The following BEND7 variants were observed in gnomAD, a reference collection of about 807,000 sequenced individuals.
The protein encoded by BEND7 is BEN domain containing 7, also known as BEN domain-containing protein 7.
BEND7 carries 28 observed loss-of-function variants against 50.9 expected under a neutral mutation model. That is an observed-to-expected ratio of 0.55 (90% CI 0.41 to 0.75). The LOEUF (loss-of-function observed/expected upper bound fraction) is 0.75. BEND7 is among the 30% of genes least tolerant of loss of function. The pLI, the probability that BEND7 is intolerant of heterozygous loss-of-function variation, is 0.00. For synonymous variants in BEND7, 170 were observed against 183.9 expected, an observed-to-expected ratio of 0.92 and a Z score of 0.61; for missense variants, 477 against 491.3, an observed-to-expected ratio of 0.97 and a Z score of 0.28.
chr10:13,502,974 G>A (rs2077590477), intron 2 of BEND7: 1 of 970,606 alleles, frequency 1.0e-6, no homozygotes, highest in South Asian at 4.8e-5. Context: ...ATAATGCTAG[G>A]ATAGATACAG....
rs753339452 is a variant in BEND7 at position 13,500,072 on chromosome 10, T to G, written c.154A>C (p.Ser52Arg). The G allele has an allele frequency of 2.5e-6, 4 of 1,591,418 alleles. No homozygotes were observed. Among genetic ancestry groups the G allele is most frequent in the Non-Finnish European group, 3.4e-6 (4 of 1,163,560 alleles). The change falls in exon 3 of 9, where the codon AGC becomes CGC. Residue 52 changes from serine to arginine, a missense_variant. By Grantham distance (110) the Ser-to-Arg change is moderately radical (BLOSUM62 -1). Transcript: ENST00000466271. ...ETQPIFLGDE[S>R]MEIKKQITGM... Reference sequence around the variant, plus strand: ...GTAATTTGCTTTTTTATTTCCATGCTTTCATCTCCTAATGGAAACAGGGCC... The same window carrying G: ...GTAATTTGCTTTTTTATTTCCATGCGTTCATCTCCTAATGGAAACAGGGCC...
intron 1 of BEND7, 49 bp downstream of exon 1, chr10:13,528,424 G>C (rs1589098705): frequency 1.1e-6 from 1 of 948,408 alleles, no homozygotes; most frequent in Non-Finnish European, 1.3e-6. Context: ...GCGGGCGGCC[G>C]AGGGCGCGGC....
chr10:13,517,437 T>G (rs2078770144), intron 2 of BEND7, among the ~76,000 whole-genome samples: 1 of 152,094 alleles, frequency 6.6e-6, no homozygotes, highest in African/African-American at 2.4e-5. Context: ...GGGTCTCAGC[T>G]GTCATGCTAG....
rs377375734 is a variant in BEND7 at position 13,447,310 on chromosome 10, G to A, written c.1190C>T (p.Ala397Val). 9.3e-6 allele frequency: 15 copies of A among 1,613,898 alleles called. No homozygotes were observed. Among genetic ancestry groups the A allele is most frequent in the Admixed American group, 3.3e-5 (2 of 59,980 alleles). The change falls in exon 8 of 9, where the codon GCG becomes GTG. Residue 397 changes from alanine (A) to valine (V), a missense_variant. By Grantham distance (64) the Ala-to-Val change is moderately conservative (BLOSUM62 0). Around this residue, in one of 3 missense-constraint regions of BEND7, gnomAD observed 64 missense variants for 68.5 expected, o/e 0.93. Coordinates refer to ENST00000466271, the MANE Select transcript of BEND7 (RefSeq NM_001369863.1). ...GCCGTCCAGTCTTTCATCACTGTCCGCGATCTCTGCTGGTTACAAACATAA... is the reference window on the plus strand; with the variant it reads ...GCCGTCCAGTCTTTCATCACTGTCCACGATCTCTGCTGGTTACAAACATAA... ...RRRLKRGSEI[A>V]DSDERLDGIA...
intron 6 of BEND7, among the ~76,000 whole-genome samples, chr10:13,473,118 C>A (rs191579267): frequency 6.6e-6 from 1 of 151,954 alleles, no homozygotes; most frequent in African/African-American, 2.4e-5. Flanking sequence ...GGGTCAATAA[C>A]CATCATCACT....
chr10:13,501,257 C>T (rs1032659996), intron 2 of BEND7, among the ~76,000 whole-genome samples: 1 of 151,486 alleles, frequency 6.6e-6, no homozygotes, highest in African/African-American at 2.4e-5. Context: ...GCCTGTAATC[C>T]CAGCTACTCA....
chr10:13,492,750 T>G lies in BEND7; in HGVS notation c.698A>C (p.Gln233Pro), dbSNP rs2076755425. Residue 233 changes from glutamine to proline, a missense_variant, in exon 5 of 9, where the codon CAG (glutamine) becomes CCG (proline). Around this residue, in one of 3 missense-constraint regions of BEND7, gnomAD observed 396 missense variants for 384.2 expected, o/e 1.03. Coordinates refer to ENST00000466271, the MANE Select transcript of BEND7 (RefSeq NM_001369863.1). ...CTCCATCTCTGACCCACTGGGCTTC[T>G]GTTTCACAGTAAGAGGTTCCACAGT... ...PKTVEPLTVK[Q>P]KPSGSEMEKK... 7 of 1,614,022 alleles carry G rather than the reference T, an allele frequency of 4.3e-6. No homozygotes were observed. The highest frequency in any genetic ancestry group is 5.9e-6 in the Non-Finnish European group (7 of 1,180,002).
intron 6 of BEND7, among the ~76,000 whole-genome samples, chr10:13,479,654 T>C (rs1432329482): frequency 1.3e-5 from 2 of 152,258 alleles, no homozygotes; most frequent in Non-Finnish European, 1.5e-5. Context: ...TCTGTCATGT[T>C]GTTTGTAGTG....
intron 1 of BEND7, 72 bp downstream of exon 1, chr10:13,528,389 GGCGCGCCCCCCA>G: frequency 1.6e-6 from 1 of 625,312 alleles, no homozygotes; most frequent in East Asian, 1.4e-4. Context: ...GCTCCGGGAG[GGCGCGCCCCCCA>G]GCGTGGACCC....
Position 13,492,836 on chromosome 10 carries a change from T to C in BEND7, c.612A>G (p.Ile204Met). The change falls in exon 5 of 9, where the codon ATA (isoleucine) becomes ATG (methionine). Residue 204 changes from isoleucine to methionine, a missense_variant. Physicochemically the swap from Ile to Met is conservative, Grantham distance 10. Coordinates refer to ENST00000466271, the MANE Select transcript of BEND7 (RefSeq NM_001369863.1). ...GTGAGACAGCAGTTCGCTGGGAGCA[T>C]ATAAGGGAAATTGGAGGTTGTTGTC... is the stretch of plus-strand genomic sequence containing the variant. ...QNRQQPPISL[I>M]CSQRTAVSRK... The C allele has an allele frequency of 6.2e-7, 1 of 1,605,996 alleles. No individual in the cohort carries two copies. Among genetic ancestry groups the C allele is most frequent in the East Asian group, 2.2e-5 (1 of 44,862 alleles).
chr10:13,524,171 G>A (rs375011720), intron 2 of BEND7, among the ~76,000 whole-genome samples: 1 of 152,068 alleles, frequency 6.6e-6, no homozygotes, highest in Non-Finnish European at 1.5e-5. Flanking sequence ...CACTTCCTTC[G>A]TAGTGACCTT....
chr10:13,451,509 A>C (rs1837698620), intron 7 of BEND7, among the ~76,000 whole-genome samples: 1 of 151,662 alleles, frequency 6.6e-6, no homozygotes, highest in Admixed American at 6.6e-5. Context: ...AACTATTTTT[A>C]ATTTTTGAGG....
At chr10:13,454,484 G>A (rs1038537585) in intron 6 of BEND7, among the ~76,000 whole-genome samples, 2 of 152,054 alleles carry the variant, frequency 1.3e-5, no homozygotes, top group Non-Finnish European at 2.9e-5. Flanking sequence ...TCCGGGAGTG[G>A]TGGTGCAAGC....
chr10:13,528,281 T>G (rs1439880713), intron 1 of BEND7, among the ~76,000 whole-genome samples, 192 bp downstream of exon 1: 4 of 151,654 alleles, frequency 2.6e-5, no homozygotes, highest in Non-Finnish European at 5.9e-5. Context: ...ATAACATCCC[T>G]GCTCCCCCCG....
At chr10:13,448,148 G>A (rs1262530487) in intron 7 of BEND7, among the ~76,000 whole-genome samples, 1 of 152,212 alleles carries the variant, frequency 6.6e-6, no homozygotes, top group African/African-American at 2.4e-5. Context: ...GCTCGTGTCT[G>A]ATAAATGTAT....
intron 2 of BEND7, chr10:13,511,255 T>C (rs1224388097): frequency 2.6e-5 from 4 of 152,186 alleles, no homozygotes; most frequent in Admixed American, 1.3e-4. Flanking sequence ...TAGAAGGAGT[T>C]TGACCTACAA....
intron 6 of BEND7, 47 bp downstream of exon 6, chr10:13,480,852 G>A: frequency 1.2e-6 from 2 of 1,608,798 alleles, no homozygotes; most frequent in Non-Finnish European, 8.5e-7. Flanking sequence ...ACGGAATGAA[G>A]GGAAAGCTCA....
chr10:13,521,910 G>A lies in BEND7; in HGVS notation c.145+4228C>T, dbSNP rs557197184. ...GTAAAAGTGCAGAGGAATTGTTCGAGTGTGTCCTCTTTGGGGAGATTCTGG... is the reference window on the plus strand; with the variant it reads ...GTAAAAGTGCAGAGGAATTGTTCGAATGTGTCCTCTTTGGGGAGATTCTGG... On this transcript the variant is annotated intron_variant, in intron 2 of 8. Transcript: ENST00000466271. Among the ~76,000 whole-genome samples the A allele has an allele frequency of 4.6e-5, 7 of 152,332 alleles. No individual in the cohort carries two copies. The East Asian group carries it at 1.3e-3, about 29-fold the overall frequency.
chr10:13,458,955 G>A (rs1161292452), intron 6 of BEND7, among the ~76,000 whole-genome samples: 1 of 152,230 alleles, frequency 6.6e-6, no homozygotes, highest in Non-Finnish European at 1.5e-5. Context: ...AACCAGCAGG[G>A]TTAGGTATTG....
Sources: allele counts gnomAD v4.1 joint callset (sites outside exome capture counted in the v4.1 genomes callset), GRCh38; gene constraint gnomAD v4.1.1; regional missense constraint gnomAD v4.1.1; transcripts MANE v1.5; gene names NCBI Gene and HGNC (gene_info 2026-07-23, HGNC 2026-07-21).